ZFPM1: variants seen among roughly 807,000 people sequenced by gnomAD.
ZFPM1 encodes the protein zinc finger protein ZFPM1.
ZFPM1 carries 28 observed loss-of-function variants against 46.3 expected under a neutral mutation model. The ratio of observed to expected loss-of-function variants is 0.60; its 90% CI spans 0.45 to 0.83. The LOEUF (loss-of-function observed/expected upper bound fraction) is 0.83. Ranked by LOEUF, ZFPM1 falls within the 40% of genes least tolerant of loss-of-function variation. ZFPM1 has a pLI of 0.00. For missense variants in ZFPM1, 1,878 were observed against 1,432.4 expected (o/e 1.31, Z -5.02); for synonymous variants, 957 against 675.9 (o/e 1.42, Z -6.45).
At chr16:88,523,954 G>T (rs558807855) in intron 4 of ZFPM1, among the ~76,000 whole-genome samples, 2 of 152,190 alleles carry the variant, frequency 1.3e-5, no homozygotes, top group African/African-American at 4.8e-5. Flanking sequence ...ACTCGGGACC[G>T]CCACAGAAAA....
chr16:88,474,613 C>G (rs1478524394), intron 1 of ZFPM1, among the ~76,000 whole-genome samples: 1 of 152,060 alleles, frequency 6.6e-6, no homozygotes, highest in East Asian at 1.9e-4. Context: ...CGCTCTCTGC[C>G]CGGAGCTCTT....
In ZFPM1 at chr16:88,533,609, C is replaced by T. The variant is rs774785297; in HGVS notation, c.1651C>T (p.His551Tyr). ...CCTGGCCAAGATGTCCGAGCTGGTG[C>T]ACAGCCGGCTGCAGCAGGGCGCGGG... ...EILAKMSELV[H>Y]SRLQQGAGAG... The change falls in exon 10 of 10, where the codon CAC (histidine) becomes TAC (tyrosine). Residue 551 changes from histidine (H) to tyrosine (Y), a missense_variant. His to Tyr is a moderately conservative substitution (Grantham distance 83). Transcript: ENST00000319555. 7.3e-5 allele frequency: 108 copies of T among 1,486,192 alleles called. No homozygotes were observed. Among genetic ancestry groups the T allele is most frequent in the Non-Finnish European group, 9.4e-5 (105 of 1,117,562 alleles). 92.1% of individuals were successfully genotyped at this position (1,486,192 alleles called of 1,614,324 possible).
rs1013883314 is a variant in ZFPM1, at chr16:88,469,054, T to G, written c.40+15376T>G. On this transcript the variant is annotated intron_variant, in intron 1 of 9. Transcript: ENST00000319555. The surrounding 1 kb of genome is among the most constrained non-coding windows in gnomAD (Gnocchi z 4.3). ...AGGACCCAGGAGTTCCCGAGAGGAG[T>G]GCAGCCAGCAGCCACTCCCAGATGG... 1.3e-5 allele frequency: 2 copies of G among 153,772 alleles called. No homozygotes were observed. Among genetic ancestry groups the G allele is most frequent in the Non-Finnish European group, 2.9e-5 (2 of 67,964 alleles). 9.5% of individuals were successfully genotyped at this position (153,772 alleles called of 1,614,324 possible).
At position 88,533,651 on chromosome 16, in the gene ZFPM1, G is replaced by T; in HGVS notation, c.1693G>T (p.Ala565Ser). Reference protein sequence around the residue: ...QQGAGAGAGGAQTGLFPGAPK... With the variant: ...QQGAGAGAGGSQTGLFPGAPK... The stretch of plus-strand genomic sequence containing the variant: ...GGGCGCGGGCGCGGGCGCCGGCGGC[G>T]CGCAGACCGGGCTCTTCCCCGGGGC... The change falls in exon 10 of 10, where the codon GCG (alanine) becomes TCG (serine). Residue 565 changes from alanine to serine, a missense_variant. By Grantham distance (99) the Ala-to-Ser change is moderately conservative. Coordinates refer to ENST00000319555, the MANE Select transcript of ZFPM1 (RefSeq NM_153813.3). 6.8e-7 allele frequency: 1 copy of T among 1,469,346 alleles called. No individual in the cohort carries two copies. Among genetic ancestry groups the T allele is most frequent in the Admixed American group, 2.5e-5 (1 of 40,112 alleles). The allele number at this position is 1,469,346 out of a possible 1,614,324, so 91.0% of individuals were successfully genotyped here.
intron 6 of ZFPM1, among the ~76,000 whole-genome samples, chr16:88,529,177 C>G (rs955318387): frequency 8.0e-6 from 1 of 124,678 alleles, no homozygotes; most frequent in Non-Finnish European, 1.7e-5. Flanking sequence ...TGGCCAAGGA[C>G]AGCGCGTGGC....
At chr16:88,488,904 G>A in intron 2 of ZFPM1, 127 bp from the exon 3 acceptor site, 4 of 1,408,634 alleles carry the variant, frequency 2.8e-6, no homozygotes, top group South Asian at 1.4e-5. Flanking sequence ...ACCAGGAGAT[G>A]GGGGTGGCTC....
chr16:88,534,544 C>A lies in ZFPM1; in HGVS notation c.2586C>A (p.Asn862Lys), dbSNP rs765133053. ...CCGCCTGCCCCTACTGCCCCCCGAA[C>A]GGCCCGGTGCGCGGGGACCTGCTGG... is the stretch of plus-strand genomic sequence containing the variant. The part of the protein sequence containing the change: ...PAAACPYCPP[N>K]GPVRGDLLEH... The change falls in exon 10 of 10, where the codon AAC (asparagine) becomes AAA (lysine). Residue 862 changes from asparagine to lysine, a missense_variant. Asn to Lys is a moderately conservative substitution (Grantham distance 94, BLOSUM62 0). Coordinates refer to ENST00000319555, the MANE Select transcript of ZFPM1 (RefSeq NM_153813.3). The A allele has an allele frequency of 3.7e-6, 5 of 1,367,836 alleles. No homozygotes were observed. Among genetic ancestry groups the A allele is most frequent in the South Asian group, 1.6e-5 (1 of 64,432 alleles). The allele number at this position is 1,367,836 out of a possible 1,614,324, so 84.7% of individuals were successfully genotyped here. A position where few individuals can be genotyped will look rare whatever the true frequency, so the allele number is the denominator to read the frequency against.
rs772816087 is a variant in ZFPM1 at position 88,535,013 on chromosome 16, C to T, written c.*34C>T. On this transcript the variant is annotated 3_prime_UTR_variant, in exon 10 of 10. Transcript: ENST00000319555. ...ACTACAGCCGCAGACGCTTTGCACG[C>T]CCCGCTGCGATGCGGGGAGGGGGCC... The T allele has an allele frequency of 5.9e-6, 8 of 1,358,898 alleles. No homozygotes were observed. The highest frequency in any genetic ancestry group is 1.9e-5 in the South Asian group (1 of 53,490). The allele number at this position is 1,358,898 out of a possible 1,614,324, so 84.2% of individuals were successfully genotyped here.
At chr16:88,522,475 G>A (rs891095708) in intron 4 of ZFPM1, among the ~76,000 whole-genome samples, 27 of 152,206 alleles carry the variant, frequency 1.8e-4, no homozygotes, top group South Asian at 2.1e-4. Flanking sequence ...CTGCAGGACC[G>A]GCCGTTTGGC....
chr16:88,509,620 G>GGGAGGC (rs1457335270), intron 3 of ZFPM1, among the ~76,000 whole-genome samples: 1 of 152,224 alleles, frequency 6.6e-6, no homozygotes, highest in Non-Finnish European at 1.5e-5. Context: ...AACAGGCCTG[G>GGGAGGC]GGAGGCGGGC....
At chr16:88,491,405 GC>G (rs1363122307) in intron 3 of ZFPM1, among the ~76,000 whole-genome samples, 1 of 152,232 alleles carries the variant, frequency 6.6e-6, no homozygotes. Context: ...CCTCACACCA[GC>G]CCCAAGAGGG....
At chr16:88,512,794 C>A (rs1911046735) in intron 3 of ZFPM1, among the ~76,000 whole-genome samples, 1 of 152,152 alleles carries the variant, frequency 6.6e-6, no homozygotes, top group Admixed American at 6.5e-5. Context: ...CCCGTGCCCA[C>A]CCCCGAGGCC....
intron 1 of ZFPM1, among the ~76,000 whole-genome samples, chr16:88,481,904 T>C (rs1472169037): frequency 6.6e-6 from 1 of 152,242 alleles, no homozygotes; most frequent in African/African-American, 2.4e-5. Flanking sequence ...ACAGTTCATG[T>C]TCACTGAGCA....
intron 1 of ZFPM1, among the ~76,000 whole-genome samples, chr16:88,479,985 A>G (rs1908860950): frequency 6.6e-6 from 1 of 151,030 alleles, no homozygotes; most frequent in African/African-American, 2.4e-5. Context: ...TGTGGTGACA[A>G]CCTCACATCT....
rs530437660 is a variant in ZFPM1 at position 88,502,590 on chromosome 16, T to C, written c.269-11797T>C. Among the ~76,000 whole-genome samples the C allele has an allele frequency of 5.3e-5, 8 of 152,326 alleles. No individual in the cohort carries two copies. In the South Asian group the frequency reaches 1.4e-3, roughly 28 times the overall value. On this transcript the variant is annotated intron_variant, in intron 3 of 9. Transcript: ENST00000319555. ...CCCACTGTCCCTTCCCGTCCAGTGC[T>C]GCTGGAGGCAGTGGCCTTGGTGACC...
Position 88,533,253 on chromosome 16 carries a change from C to T in ZFPM1, c.1295C>T (p.Ala432Val). The T allele has an allele frequency of 6.4e-7, 1 of 1,553,558 alleles. No individual in the cohort carries two copies. ...PTPSPGLDRK[A>V]LAEATNGEAR... Reference sequence around the variant, plus strand: ...CCATCGCCAGGACTGGACAGAAAGGCCCTGGCCGAGGCCACCAACGGAGAG... The same window carrying T: ...CCATCGCCAGGACTGGACAGAAAGGTCCTGGCCGAGGCCACCAACGGAGAG... Residue 432 changes from alanine (A) to valine (V), a missense_variant, in exon 10 of 10, where the codon GCC becomes GTC. Ala to Val is a moderately conservative substitution (Grantham distance 64). Transcript: ENST00000319555.
chr16:88,501,591 G>GC (rs1224840239), intron 3 of ZFPM1, among the ~76,000 whole-genome samples: 1 of 140,974 alleles, frequency 7.1e-6, no homozygotes, highest in East Asian at 2.2e-4. Flanking sequence ...TGGGTGCATG[G>GC]GCTCTCCCGC....
chr16:88,510,874 A>G (rs1371706930), intron 3 of ZFPM1, among the ~76,000 whole-genome samples: 2 of 152,206 alleles, frequency 1.3e-5, no homozygotes, highest in Middle Eastern at 3.2e-3. Context: ...ACTTGAGCAC[A>G]GCTGGAAAGA....
chr16:88,533,595 T>C lies in ZFPM1; in HGVS notation c.1637T>C (p.Met546Thr), dbSNP rs756930844. Residue 546 changes from methionine (M) to threonine (T), a missense_variant, in exon 10 of 10, where the codon ATG becomes ACG. Transcript: ENST00000319555. ...APPASEILAK[M>T]SELVHSRLQQ... ...CCCGCCTCGGAGATCCTGGCCAAGA[T>C]GTCCGAGCTGGTGCACAGCCGGCTG... is the stretch of plus-strand genomic sequence containing the variant. The C allele has an allele frequency of 2.0e-6, 3 of 1,494,014 alleles. No individual in the cohort carries two copies. Among genetic ancestry groups the C allele is most frequent in the Non-Finnish European group, 2.7e-6 (3 of 1,121,340 alleles). 92.5% of individuals were successfully genotyped at this position (1,494,014 alleles called of 1,614,324 possible).
Sources: gnomAD v4.1 joint callset for allele counts (sites outside exome capture counted in the v4.1 genomes callset) on GRCh38, gnomAD v4.1.1 for gene constraint, Gnocchi (gnomAD v3.1) non-coding constraint, MANE v1.5 for transcripts, NCBI Gene and HGNC (gene_info 2026-07-23, HGNC 2026-07-21) for gene names.